Variants in PDE1C observed in about 807,000 individuals in gnomAD.
PDE1C encodes phosphodiesterase 1C, also known as dual specificity calcium/calmodulin-dependent 3',5'-cyclic nucleotide phosphodiesterase 1C.
Under a neutral mutation model 93.1 loss-of-function variants are expected in PDE1C, and 62 were observed. The observed-to-expected ratio is 0.67, with a 90% confidence interval of 0.54 to 0.82. The LOEUF (loss-of-function observed/expected upper bound fraction) is 0.82. Among genes scored for constraint, PDE1C ranks in the 40% least tolerant of loss-of-function variants. The pLI, the probability that PDE1C is intolerant of heterozygous loss-of-function variation, is 0.00. For missense variants in PDE1C, 742 were observed against 884.6 expected (o/e 0.84, Z 2.04); for synonymous variants, 325 against 310.1 (o/e 1.05, Z -0.50).
At chr7:31,949,143 G>A (rs900771962) in intron 2 of PDE1C, among the ~76,000 whole-genome samples, 1 of 152,068 alleles carries the variant, frequency 6.6e-6, no homozygotes, top group African/African-American at 2.4e-5. Context: ...AGTCCAATAT[G>A]TTATCTAGTT....
At chr7:31,999,732 A>G (rs895169093) in intron 2 of PDE1C, among the ~76,000 whole-genome samples, 1 of 152,236 alleles carries the variant, frequency 6.6e-6, no homozygotes, top group African/African-American at 2.4e-5. Flanking sequence ...ACTTTACCAT[A>G]TACAATTTCA....
In PDE1C at chr7:32,237,742, G is replaced by GTATATATA. The variant is rs372356671; in HGVS notation, c.86-28211_86-28204dup. 2.9e-3 allele frequency among the ~76,000 whole-genome samples: 89 copies of GTATATATA among 31,216 alleles called. 1 individual carries two copies. Among genetic ancestry groups the GTATATATA allele is most frequent in the South Asian group, 4.2e-3 (3 of 710 alleles). The allele number at this position is 31,216 out of a possible 152,430, so 20.5% of individuals were successfully genotyped here. ...AGCCACTATCCGCACTTGGCTCTGTGTATATATATATATATATATACTTTT... is the reference window on the plus strand; with the variant it reads ...AGCCACTATCCGCACTTGGCTCTGTGTATATATATATATATATATATATATATACTTTT... On this transcript the variant is annotated intron_variant, in intron 1 of 18. Transcript: ENST00000396193.
At chr7:31,946,584 A>T (rs1418662337) in intron 2 of PDE1C, among the ~76,000 whole-genome samples, 1 of 152,194 alleles carries the variant, frequency 6.6e-6, no homozygotes, top group Non-Finnish European at 1.5e-5. Flanking sequence ...GAAATGCTAA[A>T]CCATCACAGC....
intron 3 of PDE1C, among the ~76,000 whole-genome samples, chr7:32,125,780 G>A (rs947671950): frequency 2.0e-5 from 3 of 151,960 alleles, no homozygotes; most frequent in African/African-American, 7.2e-5. Flanking sequence ...AAACCACCAT[G>A]TCACACGTAT....
intron 3 of PDE1C, among the ~76,000 whole-genome samples, chr7:32,108,681 T>A (rs1187282296): frequency 6.6e-6 from 1 of 152,164 alleles, no homozygotes; most frequent in East Asian, 1.9e-4. Flanking sequence ...CCTTCCTTGT[T>A]CTAATAAGTG....
At chr7:32,148,203 C>T (rs1451722499) in intron 3 of PDE1C, among the ~76,000 whole-genome samples, 1 of 151,884 alleles carries the variant, frequency 6.6e-6, no homozygotes, top group Non-Finnish European at 1.5e-5. Context: ...TTTTTATTAC[C>T]ATTGCCCATT....
the PDE1C span, among the ~76,000 whole-genome samples, chr7:31,699,981 C>T: frequency 1.5e-4 from 23 of 152,204 alleles, no homozygotes; most frequent in Middle Eastern, 3.4e-3. Context: ...CCCCTGGCTT[C>T]CCTATTCCAC....
At chr7:31,963,880 A>G (rs1317624194) in intron 2 of PDE1C, among the ~76,000 whole-genome samples, 1 of 152,220 alleles carries the variant, frequency 6.6e-6, no homozygotes, top group Non-Finnish European at 1.5e-5. Context: ...CTGGGAGTCA[A>G]TGTATGAAAA....
At chr7:31,639,538 G>GTTTTT in the PDE1C span, among the ~76,000 whole-genome samples, 1 of 142,514 alleles carries the variant, frequency 7.0e-6, no homozygotes. Context: ...GTTTGTTTTT[G>GTTTTT]TTTTTTTTTT....
chr7:31,643,342 C>T, the PDE1C span: 5 of 1,613,980 alleles, frequency 3.1e-6, no homozygotes, highest in Non-Finnish European at 4.2e-6. Flanking sequence ...TGACCTTGCT[C>T]AAACATCTGA....
chr7:32,109,657 T>G (rs551260391), intron 3 of PDE1C, among the ~76,000 whole-genome samples: 1 of 152,304 alleles, frequency 6.6e-6, no homozygotes, highest in African/African-American at 2.4e-5. Flanking sequence ...CTGGTCTAAA[T>G]GAAGAAGTCT....
chr7:31,958,505 CTTGAT>C (rs938453748), intron 2 of PDE1C, among the ~76,000 whole-genome samples: 1 of 152,170 alleles, frequency 6.6e-6, no homozygotes, highest in African/African-American at 2.4e-5. Context: ...AATATCCAGC[CTTGAT>C]TTATCTGTCT....
At chr7:32,289,627 AT>A (rs1812209997) in intron 1 of PDE1C, among the ~76,000 whole-genome samples, 1 of 152,220 alleles carries the variant, frequency 6.6e-6, no homozygotes, top group African/African-American at 2.4e-5. Flanking sequence ...CAAAAAAAAA[AT>A]TAAGCCAGGA....
At chr7:31,862,009 G>A (rs1245425674) in intron 7 of PDE1C, among the ~76,000 whole-genome samples, 2 of 152,104 alleles carry the variant, frequency 1.3e-5, no homozygotes, top group Non-Finnish European at 2.9e-5. Context: ...CCTTACTTCT[G>A]CTCCTTGAAT....
In PDE1C at chr7:31,899,441, C is replaced by T. The variant is rs140839173; in HGVS notation, c.129-18581G>A. Among the ~76,000 whole-genome samples, 257 of 152,188 alleles carry T rather than the reference C, an allele frequency of 1.7e-3. 1 individual carries two copies. The highest frequency in any genetic ancestry group is 5.7e-3 in the African/African-American group (236 of 41,536). On this transcript the variant is annotated intron_variant, in intron 2 of 17. Coordinates refer to ENST00000396191, the MANE Select transcript of PDE1C (RefSeq NM_001191057.4). Reference sequence around the variant, plus strand: ...GCGTAAGTAAGCCACTGCGCCCGGCCGGACAGTCCCGTTTCTACAACTCAG... The same window carrying T: ...GCGTAAGTAAGCCACTGCGCCCGGCTGGACAGTCCCGTTTCTACAACTCAG...
intron 1 of PDE1C, among the ~76,000 whole-genome samples, chr7:32,366,172 T>C (rs747704087): frequency 1.3e-5 from 2 of 151,916 alleles, no homozygotes; most frequent in Non-Finnish European, 2.9e-5. Flanking sequence ...AGATAGACAA[T>C]TCAACAAAAT....
intron 3 of PDE1C, among the ~76,000 whole-genome samples, chr7:32,121,966 C>G (rs866009420): frequency 2.6e-4 from 40 of 152,310 alleles, no homozygotes; most frequent in African/African-American, 9.4e-4. Context: ...GTGCTATATT[C>G]AAGAGACCCA....
chr7:32,237,891 C>T (rs910460937), intron 1 of PDE1C, among the ~76,000 whole-genome samples: 4 of 151,002 alleles, frequency 2.6e-5, no homozygotes, highest in African/African-American at 9.7e-5. Flanking sequence ...CTGCCTCAGC[C>T]TCCTGAGTAG....
chr7:31,872,274 G>A (rs947396804), intron 6 of PDE1C, among the ~76,000 whole-genome samples: 1 of 152,038 alleles, frequency 6.6e-6, no homozygotes, highest in African/African-American at 2.4e-5. Flanking sequence ...TAATGGGTAC[G>A]AACATACAGT....
Sources: allele counts gnomAD v4.1 joint callset (sites outside exome capture counted in the v4.1 genomes callset), GRCh38; gene constraint gnomAD v4.1.1; transcripts MANE v1.5; gene names NCBI Gene and HGNC (gene_info 2026-07-23, HGNC 2026-07-21).